Variants in CNTLN observed in about 807,000 individuals in gnomAD.
The protein encoded by CNTLN is centlein, centrosomal protein.
CNTLN carries 212 observed loss-of-function variants against 180.0 expected under a neutral mutation model. The observed-to-expected ratio is 1.18, with a 90% CI of 1.05 to 1.32. The LOEUF (loss-of-function observed/expected upper bound fraction) is 1.32, where lower values mean the gene tolerates loss of function less well. Among genes scored for constraint, CNTLN ranks in the 40% most tolerant of loss-of-function variants. CNTLN has a pLI of 0.00. For synonymous variants in CNTLN, 722 were observed against 563.1 expected, an observed-to-expected ratio of 1.28 and a Z score of -3.99; for missense variants, 2,095 against 1,610.9, an observed-to-expected ratio of 1.30 and a Z score of -5.14.
Position 17,432,002 on chromosome 9 carries a change from G to T in CNTLN, c.3114+15813G>T, listed in dbSNP as rs141407343. Among the ~76,000 whole-genome samples, 443 of 152,198 alleles carry T rather than the reference G, an allele frequency of 2.9e-3. 3 individuals carry two copies. The highest frequency in any genetic ancestry group is 9.9e-3 in the African/African-American group (410 of 41,522). ...TACATTGTGTGTAAATAGTAGAATT[G>T]CTGCCTTTTTGTTTTCCATATTAAA... On this transcript the variant is annotated intron_variant, in intron 18 of 25. Coordinates refer to ENST00000380647, the MANE Select transcript of CNTLN (RefSeq NM_017738.4).
At chr9:17,225,621 A>G (rs886382511) in intron 2 of CNTLN, among the ~76,000 whole-genome samples, 2 of 151,884 alleles carry the variant, frequency 1.3e-5, no homozygotes, top group Admixed American at 1.3e-4. Context: ...ATAAAGCTAT[A>G]TTTGTTTAAA....
intron 13 of CNTLN, among the ~76,000 whole-genome samples, chr9:17,369,972 C>G (rs973409893): frequency 6.9e-6 from 1 of 144,308 alleles, no homozygotes; most frequent in Non-Finnish European, 1.5e-5. Flanking sequence ...GGTGACAAAG[C>G]GAGACTCCAT....
the CNTLN span, among the ~76,000 whole-genome samples, chr9:17,520,926 A>G: frequency 6.6e-6 from 1 of 152,210 alleles, no homozygotes; most frequent in Non-Finnish European, 1.5e-5. Flanking sequence ...CAAGAAAATA[A>G]TCGAAGCTGC....
At chr9:17,395,443 C>T (rs1464891664) in intron 15 of CNTLN, among the ~76,000 whole-genome samples, 10 of 152,118 alleles carry the variant, frequency 6.6e-5, no homozygotes, top group African/African-American at 1.9e-4. Context: ...CCTACTAAGT[C>T]GGTTTAGTTA....
chr9:17,433,674 C>G (rs925014198), intron 18 of CNTLN, among the ~76,000 whole-genome samples: 7 of 151,968 alleles, frequency 4.6e-5, no homozygotes, highest in African/African-American at 1.5e-4. Context: ...GTTGCCCAGG[C>G]TAGAGTGCAG....
At chr9:17,458,051 CAG>C (rs1233503138) in intron 19 of CNTLN, among the ~76,000 whole-genome samples, 1 of 151,912 alleles carries the variant, frequency 6.6e-6, no homozygotes, top group Non-Finnish European at 1.5e-5. Context: ...TCAACATAAA[CAG>C]AATTGCTTTT....
chr9:17,438,878 G>T (rs1320836095), intron 18 of CNTLN, among the ~76,000 whole-genome samples: 3 of 152,144 alleles, frequency 2.0e-5, no homozygotes, highest in African/African-American at 7.2e-5. Context: ...TCAGAAGTTG[G>T]ACAGATGAGA....
chr9:17,316,932 T>G (rs1304755770), intron 8 of CNTLN, among the ~76,000 whole-genome samples: 2 of 152,164 alleles, frequency 1.3e-5, no homozygotes, highest in Admixed American at 6.5e-5. Flanking sequence ...CCCCCTGCCC[T>G]TTATGCTTTT....
At chr9:17,413,781 A>G (rs77756571) in intron 16 of CNTLN, among the ~76,000 whole-genome samples, 4,251 of 152,294 alleles carry the variant, frequency 0.028, 210 homozygotes, top group East Asian at 0.25. Flanking sequence ...ATAAAATTCT[A>G]TATTACAGCA....
chr9:17,437,669 T>C (rs760361454), intron 18 of CNTLN, among the ~76,000 whole-genome samples: 2 of 152,190 alleles, frequency 1.3e-5, no homozygotes, highest in Non-Finnish European at 2.9e-5. Flanking sequence ...CAATTCAATT[T>C]AGTTTAATGT....
At chr9:17,222,452 G>A (rs142475249) in intron 2 of CNTLN, among the ~76,000 whole-genome samples, 209 of 152,126 alleles carry the variant, frequency 1.4e-3, no homozygotes, top group African/African-American at 4.2e-3. Flanking sequence ...GGTTTCCCCT[G>A]TACTGTTCTC....
intron 18 of CNTLN, chr9:17,444,204 C>G (rs1367536274): frequency 6.6e-6 from 1 of 152,156 alleles, no homozygotes; most frequent in African/African-American, 2.4e-5. Context: ...CAGACCAGAC[C>G]AGCTTTCTCC....
chr9:17,340,569 G>A (rs1410954506), intron 10 of CNTLN, among the ~76,000 whole-genome samples: 2 of 152,176 alleles, frequency 1.3e-5, no homozygotes, highest in Non-Finnish European at 2.9e-5. Flanking sequence ...AGGGAAAGGA[G>A]TGAAACTATC....
chr9:17,221,727 C>G (rs1824149778), intron 2 of CNTLN, among the ~76,000 whole-genome samples: 1 of 151,956 alleles, frequency 6.6e-6, no homozygotes, highest in Non-Finnish European at 1.5e-5. Flanking sequence ...TTTTCCTGGC[C>G]CGCTTACTAT....
intron 2 of CNTLN, among the ~76,000 whole-genome samples, chr9:17,157,699 G>C (rs1819394429): frequency 6.6e-6 from 1 of 152,112 alleles, no homozygotes; most frequent in Non-Finnish European, 1.5e-5. Context: ...AGTTGAATTT[G>C]CTCTCTGCTA....
At chr9:17,265,861 A>T (rs974487926) in intron 5 of CNTLN, among the ~76,000 whole-genome samples, 1 of 151,888 alleles carries the variant, frequency 6.6e-6, no homozygotes, top group Non-Finnish European at 1.5e-5. Flanking sequence ...GGTTGTTTGT[A>T]TTTCTGTGGG....
intron 5 of CNTLN, among the ~76,000 whole-genome samples, chr9:17,239,501 G>A (rs1217122712): frequency 6.6e-6 from 1 of 151,544 alleles, no homozygotes; most frequent in Admixed American, 6.6e-5. Context: ...ACTTTTTTTG[G>A]TGTTACCCAT....
At chr9:17,421,390 A>G (rs576993177) in intron 18 of CNTLN, among the ~76,000 whole-genome samples, 2 of 151,944 alleles carry the variant, frequency 1.3e-5, no homozygotes, top group South Asian at 2.1e-4. Context: ...ATAGCTAGTC[A>G]TGTTCTTTTT....
At chr9:17,374,031 A>T (rs1007440372) in intron 13 of CNTLN, among the ~76,000 whole-genome samples, 1 of 152,206 alleles carries the variant, frequency 6.6e-6, no homozygotes, top group African/African-American at 2.4e-5. Context: ...AACATTGGGG[A>T]AAGTGTCCAA....
Sources: allele counts gnomAD v4.1 joint callset (sites outside exome capture counted in the v4.1 genomes callset), GRCh38; gene constraint gnomAD v4.1.1; transcripts MANE v1.5; gene names NCBI Gene and HGNC (gene_info 2026-07-23, HGNC 2026-07-21).